IK: variants seen among roughly 807,000 people sequenced by gnomAD.
IK encodes IK cytokine.
A neutral mutation model predicts 90.9 loss-of-function variants in IK; 47 were observed. That is an observed-to-expected ratio of 0.52 (90% CI 0.41 to 0.66). The LOEUF (loss-of-function observed/expected upper bound fraction) is 0.66, where lower values mean the gene tolerates loss of function less well. IK is among the 30% of genes least tolerant of loss of function. IK has a pLI of 0.00. For synonymous variants in IK, 201 were observed against 227.5 expected (o/e 0.88, Z 1.05); for missense variants, 385 against 709.3 (o/e 0.54, Z 5.19).
intron 6 of IK, 82 bp downstream of exon 6, chr5:140,654,134 TC>T (rs1757666751): frequency 1.3e-6 from 1 of 780,574 alleles, no homozygotes; most frequent in Non-Finnish European, 2.2e-6. Flanking sequence ...GGAGGGAGAT[TC>T]CTGAGAGTTC....
intron 9 of IK, among the ~76,000 whole-genome samples, chr5:140,656,786 T>C (rs139951592): frequency 6.6e-6 from 1 of 152,200 alleles, no homozygotes; most frequent in Non-Finnish European, 1.5e-5. Context: ...TTATACTCTT[T>C]TAGTTGTTTT....
intron 2 of IK, chr5:140,648,740 A>C: frequency 2.0e-6 from 1 of 508,676 alleles, no homozygotes; most frequent in African/African-American, 2.3e-5. Context: ...AAAGGTGTTA[A>C]GTTTTTTTTT....
chr5:140,655,743 G>T, intron 8 of IK, 86 bp from the exon 9 acceptor site: 1 of 1,352,008 alleles, frequency 7.4e-7, no homozygotes. Context: ...CATAGCACTT[G>T]GCATGGTGGC....
rs1286683954 is a variant in IK, at chr5:140,653,182, T to A, written c.404+38T>A. The A allele has an allele frequency of 3.9e-6, 6 of 1,554,448 alleles. No homozygotes were observed. In the South Asian group the frequency reaches 7.0e-5, roughly 18 times the overall value. ...GGAACAGGGCATGGTTCCCTCAGCA[T>A]CCGAGAGTCATGCAAATACAATGTG... On this transcript the variant is annotated intron_variant, in intron 5 of 19. Transcript: ENST00000417647.
rs930822165 is a variant in IK, at chr5:140,661,126, T to C, written c.1413+311T>C. ...GAAAGGGCAGAAAAAATTGCAGTCTTTGGAAAATAACTAAATTTTATTCTA... is the reference window on the plus strand; with the variant it reads ...GAAAGGGCAGAAAAAATTGCAGTCTCTGGAAAATAACTAAATTTTATTCTA... On this transcript the variant is annotated intron_variant, in intron 16 of 19. Coordinates refer to ENST00000417647, the MANE Select transcript of IK (RefSeq NM_006083.4). This position sits in a 1 kb window ranked among gnomAD's most constrained non-coding sequence, Gnocchi z 4.2. The C allele has an allele frequency of 5.8e-6, 2 of 347,126 alleles. No homozygotes were observed. The highest frequency in any genetic ancestry group is 1.0e-5 in the Non-Finnish European group (2 of 193,796). The allele number at this position is 347,126 out of a possible 1,614,324, so 21.5% of individuals were successfully genotyped here. A position where few individuals can be genotyped will look rare whatever the true frequency, so the allele number is the denominator to read the frequency against.
chr5:140,660,449 C>A (rs1343975260), intron 15 of IK: 2 of 542,754 alleles, frequency 3.7e-6, no homozygotes, highest in Non-Finnish European at 6.5e-6. Flanking sequence ...AGGCATGCAT[C>A]ACCACACCTG....
At chr5:140,648,249 A>G (rs1757529003) in intron 1 of IK, 5 of 705,038 alleles carry the variant, frequency 7.1e-6, no homozygotes, top group Non-Finnish European at 1.3e-5. Flanking sequence ...TTTAGACGTG[A>G]TCTTCCGGAA....
chr5:140,652,709 T>C (rs778615535), intron 4 of IK, among the ~76,000 whole-genome samples: 9 of 152,142 alleles, frequency 5.9e-5, no homozygotes, highest in Non-Finnish European at 1.2e-4. Flanking sequence ...TATAGAGAAT[T>C]GGTAGAGTTG....
At chr5:140,659,890 A>AC (rs747918078) in intron 14 of IK, 56 bp downstream of exon 14, 89 of 1,265,410 alleles carry the variant, frequency 7.0e-5, no homozygotes, top group Non-Finnish European at 8.9e-5. Context: ...CTTTACTCCA[A>AC]CCCCCCCTGC....
intron 18 of IK, 33 bp from the exon 19 acceptor site, chr5:140,662,146 G>A: frequency 6.2e-7 from 1 of 1,613,486 alleles, no homozygotes. Context: ...TAGATGGGCA[G>A]CTTGGTGATA....
rs749109847 is a variant in IK at position 140,654,535 on chromosome 5, G to T, written c.539G>T (p.Ser180Ile). The T allele has an allele frequency of 1.9e-6, 3 of 1,589,858 alleles. No individual in the cohort carries two copies. Among genetic ancestry groups the T allele is most frequent in the African/African-American group, 1.3e-5 (1 of 74,452 alleles). The change falls in exon 7 of 20, where the codon AGC (serine) becomes ATC (isoleucine). Residue 180 changes from serine to isoleucine, a missense_variant. Around this residue, in one of 8 missense-constraint regions of IK, gnomAD observed 9 missense variants for 61.8 expected, o/e 0.15. Transcript: ENST00000417647. ...TGTTAGGTACGAGCTGAGATTGCCA[G>T]CAAAGAGAAAGAGGAAGAGGAACTG... ...LLQKVRAEIA[S>I]KEKEEEELME...
At position 140,652,249 on chromosome 5, in the gene IK, GCT is replaced by G. The variant is rs143134492; in HGVS notation, c.236+107_236+108del. The G allele has an allele frequency of 1.4e-5, 12 of 885,814 alleles. No homozygotes were observed. In the East Asian group the frequency reaches 2.7e-4, roughly 20 times the overall value. The allele number at this position is 885,814 out of a possible 1,614,324, so 54.9% of individuals were successfully genotyped here. On this transcript the variant is annotated intron_variant, in intron 4 of 19. Transcript: ENST00000417647. ...CTAGAAACTAAGATTTTGTCTTGAGGCTCTCTACTTTCTTAATGAAACAGAGT... is the reference window on the plus strand; with the variant it reads ...CTAGAAACTAAGATTTTGTCTTGAGGCTCTACTTTCTTAATGAAACAGAGT...
chr5:140,660,982 CAG>C (rs1203381121), intron 16 of IK, 167 bp downstream of exon 16: 3 of 556,808 alleles, frequency 5.4e-6, no homozygotes, highest in Admixed American at 6.4e-5. Context: ...TTAACTATTT[CAG>C]AGTCTTTGCA....
rs1228269039 is a variant in IK, at chr5:140,654,888, T to C, written c.637+161T>C. On this transcript the variant is annotated intron_variant, in intron 8 of 19. Transcript: ENST00000417647. Reference sequence around the variant, plus strand: ...AATCGCCCAGGCTGGAGTGCAGTGGTGTGATCATGGCTCAGTGCAGCCTTG... The same window carrying C: ...AATCGCCCAGGCTGGAGTGCAGTGGCGTGATCATGGCTCAGTGCAGCCTTG... Among the ~76,000 whole-genome samples, 3 of 152,122 alleles carry C rather than the reference T, an allele frequency of 2.0e-5. No individual in the cohort carries two copies. The East Asian group carries it at 5.8e-4, about 29-fold the overall frequency.
intron 2 of IK, among the ~76,000 whole-genome samples, 158 bp downstream of exon 2, chr5:140,648,695 G>C (rs1757546370): frequency 6.6e-6 from 1 of 151,040 alleles, no homozygotes. Flanking sequence ...ATCAGGCCAA[G>C]TGCATAAGGG....
intron 9 of IK, among the ~76,000 whole-genome samples, chr5:140,656,228 T>C (rs1196964809): frequency 6.6e-6 from 1 of 152,234 alleles, no homozygotes; most frequent in Non-Finnish European, 1.5e-5. Flanking sequence ...AGTCTCACTC[T>C]GTCACCCAGG....
rs768923817 is a variant in IK, at chr5:140,655,893, G to A, written c.702G>A (p.Pro234=). ...KAYERNELFL[P]GRMAYVVDLD... is the part of the protein sequence containing the mutation. ...ATGAGCGGAATGAGTTGTTCCTGCC[G>A]GGCCGCATGGCCTATGTGGTAGACC... Residue 234 remains proline, a synonymous_variant, in exon 9 of 20, where the codon CCG becomes CCA. Coordinates refer to ENST00000417647, the MANE Select transcript of IK (RefSeq NM_006083.4). 5.6e-6 allele frequency: 9 copies of A among 1,601,110 alleles called. No individual in the cohort carries two copies. In the South Asian group the frequency reaches 6.8e-5, roughly 12 times the overall value.
intron 1 of IK, 113 bp from the exon 2 acceptor site, chr5:140,648,358 C>T (rs996531545): frequency 3.2e-6 from 3 of 928,478 alleles, no homozygotes; most frequent in Non-Finnish European, 5.4e-6. Context: ...ATTGTGTTGA[C>T]ACTGTCGCTG....
In IK at chr5:140,660,145, G is replaced by T. The variant is rs891594944; in HGVS notation, c.1305G>T (p.Leu435=). The change falls in exon 15 of 20, where the codon CTG becomes CTT. Residue 435 remains leucine (L), a synonymous_variant. Coordinates refer to ENST00000417647, the MANE Select transcript of IK (RefSeq NM_006083.4). ...AGAAGCCAGAAGACAAAAAGCAGCT[G>T]GGAGATTTCTTTGGCATGTCCAACA... ...SLKKPEDKKQ[L]GDFFGMSNSY... 1 of 1,613,702 alleles carries T rather than the reference G, an allele frequency of 6.2e-7. No homozygotes were observed.
Sources: gnomAD v4.1 joint callset for allele counts (sites outside exome capture counted in the v4.1 genomes callset) on GRCh38, gnomAD v4.1.1 for gene constraint, gnomAD v4.1.1 regional missense constraint, Gnocchi (gnomAD v3.1) non-coding constraint, MANE v1.5 for transcripts, NCBI Gene and HGNC (gene_info 2026-07-23, HGNC 2026-07-21) for gene names.